Variants in PKIA observed in about 807,000 individuals in gnomAD.
PKIA encodes the protein PKI-alpha.
A neutral mutation model predicts 7.6 loss-of-function variants in PKIA; 4 were observed. That is an observed-to-expected ratio of 0.52 (90% CI 0.26 to 1.20). PKIA has a LOEUF of 1.20. PKIA is among the 50% of genes most tolerant of loss of function. The pLI is 0.13. For missense variants in PKIA, 73 were observed against 86.2 expected, an observed-to-expected ratio of 0.85 and a Z score of 0.61; for synonymous variants, 21 against 30.7, an observed-to-expected ratio of 0.68 and a Z score of 1.04.
chr8:78,565,771 A>T (rs1807397901), intron 1 of PKIA, among the ~76,000 whole-genome samples: 1 of 151,780 alleles, frequency 6.6e-6, no homozygotes, highest in Non-Finnish European at 1.5e-5. Context: ...CACTCACGGC[A>T]TTGTTAGTAA....
rs1806458239 is a variant in PKIA, at chr8:78,534,118, T to C, written c.-157+17650T>C. 3 of 152,178 alleles carry C rather than the reference T, an allele frequency of 2.0e-5. 1 individual carries two copies. In the South Asian group the frequency reaches 6.2e-4, roughly 32 times the overall value. 9.4% of individuals were successfully genotyped at this position (152,178 alleles called of 1,614,324 possible). On this transcript the variant is annotated intron_variant, in intron 1 of 3. Coordinates refer to ENST00000396418, the MANE Select transcript of PKIA (RefSeq NM_006823.4). ...TGCTTTTACTTATGACTTGTAGTAATATTAATATTTCAAGAAACTAACCAT... is the reference window on the plus strand; with the variant it reads ...TGCTTTTACTTATGACTTGTAGTAACATTAATATTTCAAGAAACTAACCAT...
At chr8:78,530,620 G>T (rs148602441) in intron 1 of PKIA, among the ~76,000 whole-genome samples, 1 of 151,856 alleles carries the variant, frequency 6.6e-6, no homozygotes, top group Admixed American at 6.6e-5. Context: ...AATAAACATT[G>T]ACATTGCTGA....
At chr8:78,597,912 G>T (rs1057024672) in intron 2 of PKIA, among the ~76,000 whole-genome samples, 1 of 151,900 alleles carries the variant, frequency 6.6e-6, no homozygotes, top group Non-Finnish European at 1.5e-5. Context: ...CAGCAACATG[G>T]ATGGAGCTGA....
intron 1 of PKIA, among the ~76,000 whole-genome samples, chr8:78,557,866 TG>T (rs1392852499): frequency 4.3e-4 from 3 of 7,058 alleles, no homozygotes; most frequent in Non-Finnish European, 7.5e-4. Context: ...TGGTAGTCTG[TG>T]TTTCCCTGTA....
intron 1 of PKIA, among the ~76,000 whole-genome samples, chr8:78,541,166 T>C (rs1223485013): frequency 1.3e-5 from 2 of 152,130 alleles, no homozygotes; most frequent in African/African-American, 4.8e-5. Context: ...TGATAAATAA[T>C]ATTCTTATAT....
At chr8:78,591,357 T>C (rs2130252538) in intron 2 of PKIA, 2 of 152,780 alleles carry the variant, frequency 1.3e-5, no homozygotes, top group East Asian at 1.9e-4. Context: ...TACCTTATGC[T>C]TCATTCTCTC....
At chr8:78,580,196 T>C (rs1807772706) in intron 2 of PKIA, among the ~76,000 whole-genome samples, 1 of 152,052 alleles carries the variant, frequency 6.6e-6, no homozygotes, top group Non-Finnish European at 1.5e-5. Flanking sequence ...CATATTGCTA[T>C]AAAATGATGC....
intron 1 of PKIA, among the ~76,000 whole-genome samples, chr8:78,536,548 A>T (rs1361059080): frequency 6.6e-6 from 1 of 152,074 alleles, no homozygotes; most frequent in Non-Finnish European, 1.5e-5. Context: ...TGCAAATACT[A>T]TTAACTAGCC....
intron 2 of PKIA, among the ~76,000 whole-genome samples, chr8:78,594,664 A>G (rs1808188376): frequency 6.6e-6 from 1 of 152,194 alleles, no homozygotes; most frequent in Non-Finnish European, 1.5e-5. Context: ...AGACATGGAT[A>G]TCAAGGGAGA....
rs9643434 is a variant in PKIA at position 78,522,666 on chromosome 8, T to A, written c.-157+6198T>A. Among the ~76,000 whole-genome samples the A allele has an allele frequency of 1.6e-4, 24 of 152,106 alleles. No homozygotes were observed. In the East Asian group the frequency reaches 3.9e-3, roughly 24 times the overall value. On this transcript the variant is annotated intron_variant, in intron 1 of 3. Coordinates refer to ENST00000396418, the MANE Select transcript of PKIA (RefSeq NM_006823.4). ...AAAGTCTCTCAATCATGCATTTTTT[T>A]ATCATAGATGACAAAGTGCATCATA...
intron 2 of PKIA, among the ~76,000 whole-genome samples, chr8:78,592,604 C>A (rs1373302857): frequency 6.6e-6 from 1 of 152,064 alleles, no homozygotes; most frequent in African/African-American, 2.4e-5. Context: ...ACTTTTATGT[C>A]TTTCATAACC....
intron 3 of PKIA, among the ~76,000 whole-genome samples, 182 bp downstream of exon 3, chr8:78,598,717 T>C (rs1808286412): frequency 6.6e-6 from 1 of 152,164 alleles, no homozygotes; most frequent in African/African-American, 2.4e-5. Flanking sequence ...TTTTCAATGA[T>C]GTCTGTTTAG....
At chr8:78,558,492 G>A in intron 1 of PKIA, 1 of 157,642 alleles carries the variant, frequency 6.3e-6, no homozygotes, top group Non-Finnish European at 1.4e-5. Context: ...CATGGCAGCG[G>A]CAAGAGACGA....
intron 1 of PKIA, among the ~76,000 whole-genome samples, chr8:78,553,067 C>T (rs1295347381): frequency 1.4e-5 from 2 of 146,586 alleles, no homozygotes; most frequent in African/African-American, 2.5e-5. Context: ...ACACACATAA[C>T]GTATCTAATT....
intron 1 of PKIA, among the ~76,000 whole-genome samples, chr8:78,525,075 GTAT>G (rs1809515920): frequency 6.6e-6 from 1 of 151,390 alleles, no homozygotes; most frequent in African/African-American, 2.4e-5. Flanking sequence ...TCCCTCTGGG[GTAT>G]TATAAGTTGG....
chr8:78,562,790 G>A (rs1208919249), intron 1 of PKIA, among the ~76,000 whole-genome samples: 4 of 151,740 alleles, frequency 2.6e-5, no homozygotes, highest in African/African-American at 9.7e-5. Flanking sequence ...CAACAACTAG[G>A]GCATTTGCTT....
intron 1 of PKIA, among the ~76,000 whole-genome samples, chr8:78,565,051 A>G (rs1807370503): frequency 6.6e-6 from 1 of 151,860 alleles, no homozygotes; most frequent in African/African-American, 2.4e-5. Context: ...CCCTTTTTAA[A>G]GACTCTCTGA....
At chr8:78,588,630 G>C (rs1016334298) in intron 2 of PKIA, among the ~76,000 whole-genome samples, 1 of 152,140 alleles carries the variant, frequency 6.6e-6, no homozygotes, top group Non-Finnish European at 1.5e-5. Context: ...TGATTATTTA[G>C]TGTACAGATT....
chr8:78,590,768 A>G (rs996621900), intron 2 of PKIA, among the ~76,000 whole-genome samples: 37 of 152,044 alleles, frequency 2.4e-4, no homozygotes, highest in African/African-American at 7.5e-4. Flanking sequence ...CAGTTTTTCT[A>G]ATTTCCCATA....
Sources: gnomAD v4.1 joint callset for allele counts (sites outside exome capture counted in the v4.1 genomes callset) on GRCh38, gnomAD v4.1.1 for gene constraint, MANE v1.5 for transcripts, NCBI Gene and HGNC (gene_info 2026-07-23, HGNC 2026-07-21) for gene names.